The following ANO2 variants were observed in gnomAD, a reference collection of about 807,000 sequenced individuals.
ANO2 encodes the protein anoctamin-2.
ANO2 carries 101 observed loss-of-function variants against 124.2 expected under a neutral mutation model. The ratio of observed to expected loss-of-function variants is 0.81; its 90% confidence interval spans 0.69 to 0.96. The LOEUF is 0.96. Among genes scored for constraint, ANO2 ranks in the 40% least tolerant of loss-of-function variants. The probability of loss-of-function intolerance (pLI) is 0.00; values close to 1 mark genes in which losing one functional copy is unlikely to be tolerated. For missense variants in ANO2, 1,293 were observed against 1,274.5 expected, an observed-to-expected ratio of 1.01 and a Z score of -0.22; for synonymous variants, 486 against 482.5, an observed-to-expected ratio of 1.01 and a Z score of -0.09.
chr12:5,562,875 A>G lies in ANO2; in HGVS notation c.*424T>C, dbSNP rs920675695. ...GTGGCAGCCCCACTGCAAGTGACTC[A>G]GTTTTCTTGTAGTGATAGTAAGTAG... On this transcript the variant is annotated 3_prime_UTR_variant, in exon 25 of 25. Coordinates refer to ENST00000682330, the MANE Select transcript of ANO2 (RefSeq NM_001364791.2). The G allele has an allele frequency of 3.4e-5, 6 of 175,206 alleles. No individual in the cohort carries two copies. Among genetic ancestry groups the G allele is most frequent in the Admixed American group, 1.6e-4 (3 of 18,420 alleles). The allele number at this position is 175,206 out of a possible 1,614,324, so 10.9% of individuals were successfully genotyped here.
chr12:5,690,143 C>T (rs917765355), intron 14 of ANO2, among the ~76,000 whole-genome samples: 2 of 152,040 alleles, frequency 1.3e-5, no homozygotes, highest in Non-Finnish European at 2.9e-5. Context: ...GAAGTCACTC[C>T]CTAATACAGG....
At chr12:5,784,188 T>C (rs907735833) in intron 10 of ANO2, among the ~76,000 whole-genome samples, 1 of 152,068 alleles carries the variant, frequency 6.6e-6, no homozygotes, top group Non-Finnish European at 1.5e-5. Context: ...CCCCTCTCTA[T>C]ACCCAACTCA....
rs199524450 is a variant in ANO2 at position 5,921,199 on chromosome 12, G to A, written c.375C>T (p.Ile125=). 1.2e-6 allele frequency: 2 copies of A among 1,613,922 alleles called. No homozygotes were observed. Among genetic ancestry groups the A allele is most frequent in the Non-Finnish European group, 1.7e-6 (2 of 1,179,850 alleles). Residue 125 remains isoleucine (I), a synonymous_variant, in exon 3 of 25, where the codon ATC becomes ATT. Transcript: ENST00000682330. ...AQGFPGHSLA[I]VSNGETGKEP... ...CCTTGCCTGTCTCCCCATTGGAGAC[G>A]ATAGCCAGCGAGTGGCCAGGGAAGC... is the stretch of plus-strand genomic sequence containing the variant.
At chr12:5,945,084 C>T in intron 1 of ANO2, 112 bp downstream of exon 1, 2 of 1,032,458 alleles carry the variant, frequency 1.9e-6, no homozygotes, top group Middle Eastern at 2.5e-4. Context: ...CCTGCCCAGG[C>T]TCCCTTGGGG....
At chr12:5,604,316 T>C (rs1187826136) in intron 19 of ANO2, among the ~76,000 whole-genome samples, 1 of 152,132 alleles carries the variant, frequency 6.6e-6, no homozygotes, top group African/African-American at 2.4e-5. Flanking sequence ...GTTCTTGCCA[T>C]GTCTAAGTGG....
intron 3 of ANO2, among the ~76,000 whole-genome samples, chr12:5,867,448 T>C (rs1350251615): frequency 2.6e-5 from 4 of 152,154 alleles, no homozygotes; most frequent in Non-Finnish European, 5.9e-5. Context: ...ACACCAAACA[T>C]GCTTCGATGT....
At chr12:5,614,500 C>G (rs1320940795) in intron 17 of ANO2, among the ~76,000 whole-genome samples, 1 of 152,164 alleles carries the variant, frequency 6.6e-6, no homozygotes. Flanking sequence ...GAATCACAAT[C>G]CAGTGTGCCA....
At chr12:5,641,595 A>C (rs1481432623) in intron 15 of ANO2, among the ~76,000 whole-genome samples, 1 of 152,190 alleles carries the variant, frequency 6.6e-6, no homozygotes, top group African/African-American at 2.4e-5. Context: ...TGAGCACCTG[A>C]CTGTGAAGGG....
rs1196892096 is a variant in ANO2 at position 5,905,778 on chromosome 12, G to A, written c.534+15262C>T. Reference sequence around the variant, plus strand: ...GGCCAGAACTAGAAAAGAAGGAAGGGTGGAAAGATACAAAAAAAATCTGCT... The same window carrying A: ...GGCCAGAACTAGAAAAGAAGGAAGGATGGAAAGATACAAAAAAAATCTGCT... On this transcript the variant is annotated intron_variant, in intron 3 of 24. Coordinates refer to ENST00000682330, the MANE Select transcript of ANO2 (RefSeq NM_001364791.2). Among the ~76,000 whole-genome samples the A allele has an allele frequency of 1.3e-5, 2 of 152,032 alleles. 1 individual carries two copies. The highest frequency in any genetic ancestry group is 4.8e-5 in the African/African-American group (2 of 41,378).
intron 10 of ANO2, among the ~76,000 whole-genome samples, chr12:5,791,871 T>C (rs1952708065): frequency 6.6e-6 from 1 of 152,240 alleles, no homozygotes; most frequent in African/African-American, 2.4e-5. Context: ...TCCACCACTT[T>C]AATGAATGTT....
In ANO2 at chr12:5,789,222, C is replaced by T. The variant is rs563968032; in HGVS notation, c.1055+10285G>A. Among the ~76,000 whole-genome samples, 12 of 152,352 alleles carry T rather than the reference C, an allele frequency of 7.9e-5. No homozygotes were observed. In the South Asian group the frequency reaches 1.4e-3, roughly 18 times the overall value. On this transcript the variant is annotated intron_variant, in intron 10 of 24. Coordinates refer to ENST00000682330, the MANE Select transcript of ANO2 (RefSeq NM_001364791.2). ...GAGTAGGGCAGGGACACCCTTAGTA[C>T]ATGGCTGATTCGCTTCTCTCTGCCA...
rs35224024 is a variant in ANO2, at chr12:5,638,237, C to CTTT, written c.1621-2893_1621-2891dup. On this transcript the variant is annotated intron_variant, in intron 15 of 24. Coordinates refer to ENST00000682330, the MANE Select transcript of ANO2 (RefSeq NM_001364791.2). ...ATCTTCACTAGCACTGTTTCTTTTC[C>CTTT]TTTTTTTTTTTTTTTTGAGACGGAG... Among the ~76,000 whole-genome samples, 64 of 124,850 alleles carry CTTT rather than the reference C, an allele frequency of 5.1e-4. 11 individuals are homozygous for CTTT. Among genetic ancestry groups the CTTT allele is most frequent in the East Asian group, 1.9e-3 (7 of 3,658 alleles). 81.9% of individuals were successfully genotyped at this position (124,850 alleles called of 152,430 possible). A position where few individuals can be genotyped will look rare whatever the true frequency, so the allele number is the denominator to read the frequency against.
rs1378919533 is a variant in ANO2, at chr12:5,904,403, G to T, written c.534+16637C>A. Among the ~76,000 whole-genome samples, 1 of 152,220 alleles carries T rather than the reference G, an allele frequency of 6.6e-6. No homozygotes were observed. The highest frequency in any genetic ancestry group is 2.4e-5 in the African/African-American group (1 of 41,456). On this transcript the variant is annotated intron_variant, in intron 3 of 24. Coordinates refer to ENST00000682330, the MANE Select transcript of ANO2 (RefSeq NM_001364791.2). The surrounding 1 kb of genome is among the most constrained non-coding windows in gnomAD (Gnocchi z 4.1). ...TCTGAATGAGTGGGATTGGAAGGAG[G>T]GAGAGTGATGGGAAAACCACATGGA... is the stretch of plus-strand genomic sequence containing the variant.
At chr12:5,695,565 G>A (rs1373574003) in intron 14 of ANO2, among the ~76,000 whole-genome samples, 1 of 152,204 alleles carries the variant, frequency 6.6e-6, no homozygotes, top group Non-Finnish European at 1.5e-5. Context: ...AGAGGGCTGG[G>A]CCCAGTGGCT....
intron 7 of ANO2, among the ~76,000 whole-genome samples, chr12:5,818,225 T>TG (rs11376819): frequency 0.9 from 135,655 of 151,488 alleles, 61,353 homozygotes; most frequent in East Asian, 1. Flanking sequence ...CCGTTTAATC[T>TG]GGTGGGCACC....
intron 7 of ANO2, among the ~76,000 whole-genome samples, chr12:5,825,750 G>T (rs768362900): frequency 6.6e-6 from 1 of 152,134 alleles, no homozygotes. Flanking sequence ...CAGGAGATTC[G>T]TTAGGGCATC....
chr12:5,658,811 ACAT>A lies in ANO2; in HGVS notation c.1546-11013_1546-11011del, dbSNP rs539377462. Among the ~76,000 whole-genome samples the A allele has an allele frequency of 7.7e-5, 11 of 143,362 alleles. No individual in the cohort carries two copies. In the South Asian group the frequency reaches 1.1e-3, roughly 15 times the overall value. 94.1% of individuals were successfully genotyped at this position (143,362 alleles called of 152,430 possible). On this transcript the variant is annotated intron_variant, in intron 14 of 24. Transcript: ENST00000682330. This position sits in a 1 kb window ranked among gnomAD's most constrained non-coding sequence, Gnocchi z 4.3. Reference sequence around the variant, plus strand: ...ATTGTCATCAATATCATCATCATCAACATCATCATTAAATCATCAGCAGCATCA... The same window carrying A: ...ATTGTCATCAATATCATCATCATCAACATCATTAAATCATCAGCAGCATCA...
chr12:5,809,680 C>T (rs1437604375), intron 7 of ANO2, among the ~76,000 whole-genome samples: 1 of 152,200 alleles, frequency 6.6e-6, no homozygotes, highest in Non-Finnish European at 1.5e-5. Context: ...GCCCTATCCC[C>T]CATCTTAAAT....
chr12:5,867,564 C>T (rs1268933845), intron 3 of ANO2, among the ~76,000 whole-genome samples: 2 of 152,106 alleles, frequency 1.3e-5, no homozygotes, highest in Non-Finnish European at 2.9e-5. Context: ...TGCTGCCCCG[C>T]ACATCTGTCC....
Sources: gnomAD v4.1 joint callset for allele counts (sites outside exome capture counted in the v4.1 genomes callset) on GRCh38, gnomAD v4.1.1 for gene constraint, Gnocchi (gnomAD v3.1) non-coding constraint, MANE v1.5 for transcripts, NCBI Gene and HGNC (gene_info 2026-07-23, HGNC 2026-07-21) for gene names.